The following GABRR3 variants were observed in gnomAD, a reference collection of about 807,000 sequenced individuals.
GABRR3 encodes gamma-aminobutyric acid receptor subunit rho-3.
In GABRR3, 29 loss-of-function variants were observed where a neutral mutation model predicts 43.2. That is an observed-to-expected ratio of 0.67 (90% CI 0.50 to 0.92). GABRR3 has a LOEUF of 0.92. GABRR3 is among the 40% of genes least tolerant of loss of function. The pLI, the probability that GABRR3 is intolerant of heterozygous loss-of-function variation, is 0.00. For missense variants in GABRR3, 576 were observed against 572.3 expected (o/e 1.01, Z -0.07); for synonymous variants, 206 against 195.9 (o/e 1.05, Z -0.43).
intron 4 of GABRR3, 32 bp from the exon 5 acceptor site, chr3:98,012,599 C>T: frequency 6.6e-7 from 1 of 1,513,002 alleles, no homozygotes; most frequent in Non-Finnish European, 9.2e-7. Context: ...CCAAAAAAAC[C>T]AGTAGGAATA....
chr3:98,003,416 C>CA (rs1553718435), intron 7 of GABRR3, among the ~76,000 whole-genome samples: 1 of 133,524 alleles, frequency 7.5e-6, no homozygotes, highest in Non-Finnish European at 1.6e-5. Flanking sequence ...AACAGTTGTC[C>CA]TTTTTTTTTT....
chr3:97,996,105 T>C (rs1422766852), intron 8 of GABRR3, among the ~76,000 whole-genome samples: 1 of 152,190 alleles, frequency 6.6e-6, no homozygotes, highest in East Asian at 1.9e-4. Context: ...GAGAGTTTTG[T>C]TGACTGATAT....
intron 2 of GABRR3, among the ~76,000 whole-genome samples, chr3:98,026,064 C>A (rs543976126): frequency 1.1e-4 from 17 of 152,306 alleles, no homozygotes; most frequent in African/African-American, 3.4e-4. Context: ...GCCTAGTAAT[C>A]TGCACCTGAA....
chr3:97,993,156 A>C (rs1451552900), intron 8 of GABRR3, 108 bp from the exon 9 acceptor site: 5 of 780,322 alleles, frequency 6.4e-6, no homozygotes, highest in Non-Finnish European at 9.7e-6. Context: ...CAACCTGGTG[A>C]TCCAAGAGGA....
rs1036246157 is a variant in GABRR3 at position 98,003,505 on chromosome 3, G to C, written c.755-1738C>G. On this transcript the variant is annotated intron_variant, in intron 7 of 9. Transcript: ENST00000621172. ...TGTCTTGTGGTTTTAGACTAGGGGT[G>C]GTATTTTAGTTGAACCTGCAGGTCA... Among the ~76,000 whole-genome samples, 149 of 150,792 alleles carry C rather than the reference G, an allele frequency of 9.9e-4. 1 individual carries two copies. Among genetic ancestry groups the C allele is most frequent in the African/African-American group, 3.4e-3 (139 of 41,024 alleles).
intron 2 of GABRR3, among the ~76,000 whole-genome samples, chr3:98,034,077 C>G (rs1031193028): frequency 6.6e-6 from 1 of 152,118 alleles, no homozygotes; most frequent in Non-Finnish European, 1.5e-5. Flanking sequence ...CTCTTCATTC[C>G]TCAATTTCTC....
At chr3:97,994,964 C>T (rs1706515915) in intron 8 of GABRR3, among the ~76,000 whole-genome samples, 1 of 152,076 alleles carries the variant, frequency 6.6e-6, no homozygotes, top group East Asian at 1.9e-4. Context: ...CACTTAGGTG[C>T]TAACCTCATT....
chr3:97,992,117 C>T (rs1706476287), intron 9 of GABRR3, among the ~76,000 whole-genome samples: 1 of 152,136 alleles, frequency 6.6e-6, no homozygotes, highest in Non-Finnish European at 1.5e-5. Flanking sequence ...AGAGAGCAAT[C>T]TACCTACATT....
intron 3 of GABRR3, among the ~76,000 whole-genome samples, chr3:98,022,079 T>C (rs1467351255): frequency 2.0e-5 from 3 of 152,180 alleles, no homozygotes; most frequent in African/African-American, 7.2e-5. Context: ...GCAAAGACTG[T>C]GCAAGCAGCT....
At chr3:98,015,487 C>A (rs1272651721) in intron 4 of GABRR3, among the ~76,000 whole-genome samples, 1 of 152,220 alleles carries the variant, frequency 6.6e-6, no homozygotes, top group African/African-American at 2.4e-5. Flanking sequence ...TGAGCCACTG[C>A]TCTTGGCCCA....
rs373922632 is a variant in GABRR3, at chr3:97,986,752, G to T, written c.1335C>A (p.Thr445=). 7 of 1,597,974 alleles carry T rather than the reference G, an allele frequency of 4.4e-6. No individual in the cohort carries two copies. In the African/African-American group the frequency reaches 9.4e-5, roughly 21 times the overall value. ...CAATGGGGAATAAAATCCTAGAATA[G>T]GTGTCAATGACATGGTTGTTTTCCA... is the stretch of plus-strand genomic sequence containing the variant. Residue 445 remains threonine, a synonymous_variant, in exon 10 of 10, where the codon ACC becomes ACA. Transcript: ENST00000621172.
At chr3:98,012,514 G>C in exon 5 of GABRR3, 1 of 1,613,954 alleles carries the variant, frequency 6.2e-7, no homozygotes, top group Non-Finnish European at 8.5e-7. Flanking sequence ...TGCTAGGAAA[G>C]GAGAGCCTCT....
At chr3:98,015,480 G>A (rs778763339) in intron 4 of GABRR3, among the ~76,000 whole-genome samples, 35 of 152,242 alleles carry the variant, frequency 2.3e-4, no homozygotes, top group Non-Finnish European at 5.0e-4. Context: ...ATAGGCATGA[G>A]CCACTGCTCT....
chr3:97,990,527 T>C (rs1365201371), intron 9 of GABRR3, among the ~76,000 whole-genome samples: 1 of 152,028 alleles, frequency 6.6e-6, no homozygotes, highest in East Asian at 1.9e-4. Flanking sequence ...TTTGTATTTT[T>C]AGTAGACACG....
chr3:97,996,354 A>G (rs1341468237), intron 8 of GABRR3, among the ~76,000 whole-genome samples: 1 of 152,208 alleles, frequency 6.6e-6, no homozygotes, highest in Non-Finnish European at 1.5e-5. Context: ...CCATTTTCTC[A>G]TGAAGGTGGT....
chr3:97,988,063 G>A (rs942228372), intron 9 of GABRR3, among the ~76,000 whole-genome samples: 2 of 151,794 alleles, frequency 1.3e-5, no homozygotes, highest in East Asian at 3.9e-4. Flanking sequence ...TGGCTCCCCC[G>A]ACACCAGTTC....
chr3:98,032,841 T>C (rs1267326327), intron 2 of GABRR3, among the ~76,000 whole-genome samples: 1 of 152,216 alleles, frequency 6.6e-6, no homozygotes, highest in East Asian at 1.9e-4. Flanking sequence ...ATGTTCACTC[T>C]ATTAGTTCTT....
chr3:97,996,206 A>C (rs1706551422), intron 8 of GABRR3, among the ~76,000 whole-genome samples: 1 of 152,066 alleles, frequency 6.6e-6, no homozygotes, highest in African/African-American at 2.4e-5. Flanking sequence ...TTTTGAAGGG[A>C]GGGGGTGTTT....
rs374700209 is a variant in GABRR3, at chr3:98,007,749, T to C, written c.754+15A>G. 10 of 1,613,118 alleles carry C rather than the reference T, an allele frequency of 6.2e-6. No homozygotes were observed. The highest frequency in any genetic ancestry group is 6.8e-6 in the Non-Finnish European group (8 of 1,179,544). On this transcript the variant is annotated intron_variant, in intron 7 of 9. Transcript: ENST00000621172. ...CCAATAAATGCTGATGAATCACCCATGTAAAATGCTGTACCTGTGCTGCTA... is the reference window on the plus strand; with the variant it reads ...CCAATAAATGCTGATGAATCACCCACGTAAAATGCTGTACCTGTGCTGCTA...
Sources: gnomAD v4.1 joint callset for allele counts (sites outside exome capture counted in the v4.1 genomes callset) on GRCh38, gnomAD v4.1.1 for gene constraint, MANE v1.5 for transcripts, NCBI Gene and HGNC (gene_info 2026-07-23, HGNC 2026-07-21) for gene names.